The following EPHA3 variants were observed in gnomAD, a reference collection of about 807,000 sequenced individuals.
EPHA3 encodes EPH receptor A3.
EPHA3 carries 42 observed loss-of-function variants against 107.1 expected under a neutral mutation model. That is an observed-to-expected ratio of 0.39 (90% CI 0.31 to 0.51). EPHA3 has a LOEUF of 0.51. Ranked by LOEUF, EPHA3 falls within the 20% of genes least tolerant of loss-of-function variation. The pLI, the probability that EPHA3 is intolerant of heterozygous loss-of-function variation, is 0.78. For missense variants in EPHA3, 1,183 were observed against 1,211.2 expected (o/e 0.98, Z 0.35); for synonymous variants, 461 against 424.8 (o/e 1.09, Z -1.05).
chr3:89,208,179 G>T (rs1020389750), intron 2 of EPHA3, among the ~76,000 whole-genome samples: 6 of 151,730 alleles, frequency 4.0e-5, no homozygotes, highest in African/African-American at 1.5e-4. Flanking sequence ...CAAGATCACT[G>T]GCCAACATGG....
At chr3:89,270,114 C>T (rs1705632861) in intron 3 of EPHA3, among the ~76,000 whole-genome samples, 1 of 151,800 alleles carries the variant, frequency 6.6e-6, no homozygotes, top group Non-Finnish European at 1.5e-5. Context: ...ATCCAAAACT[C>T]AATTTTATTA....
chr3:89,324,357 G>C (rs1707116698), intron 3 of EPHA3, among the ~76,000 whole-genome samples: 1 of 151,592 alleles, frequency 6.6e-6, no homozygotes, highest in South Asian at 2.1e-4. Flanking sequence ...TTTTAGTAGA[G>C]ACGAGGTTTC....
At chr3:89,145,688 G>A (rs1392244565) in intron 2 of EPHA3, among the ~76,000 whole-genome samples, 2 of 151,640 alleles carry the variant, frequency 1.3e-5, no homozygotes, top group Non-Finnish European at 2.9e-5. Context: ...GTCACCTAAT[G>A]TAGAGACCTT....
chr3:89,279,760 G>A (rs1338241402), intron 3 of EPHA3, among the ~76,000 whole-genome samples: 1 of 151,952 alleles, frequency 6.6e-6, no homozygotes. Context: ...CATTAATTTG[G>A]TTACAGTCCT....
At chr3:89,296,804 G>T (rs769683184) in intron 3 of EPHA3, among the ~76,000 whole-genome samples, 4 of 152,156 alleles carry the variant, frequency 2.6e-5, no homozygotes, top group Non-Finnish European at 5.9e-5. Flanking sequence ...TGTCTACATT[G>T]AAAATTTCTT....
chr3:89,415,574 T>C (rs1709231436), intron 10 of EPHA3, among the ~76,000 whole-genome samples: 1 of 149,668 alleles, frequency 6.7e-6, no homozygotes. Context: ...CATTGGACTA[T>C]AGAAAGAATT....
chr3:89,136,159 A>C (rs975811474), intron 2 of EPHA3, among the ~76,000 whole-genome samples: 4 of 151,974 alleles, frequency 2.6e-5, no homozygotes, highest in African/African-American at 7.2e-5. Flanking sequence ...TCATAGGCTG[A>C]ATAGTCAATC....
intron 15 of EPHA3, among the ~76,000 whole-genome samples, chr3:89,457,623 A>G (rs759214085): frequency 6.6e-6 from 1 of 152,180 alleles, no homozygotes; most frequent in Non-Finnish European, 1.5e-5. Flanking sequence ...GACCGCTGCG[A>G]TAGATGATTC....
chr3:89,378,060 A>G (rs1708434496), intron 5 of EPHA3, among the ~76,000 whole-genome samples: 1 of 152,112 alleles, frequency 6.6e-6, no homozygotes, highest in Non-Finnish European at 1.5e-5. Flanking sequence ...AGAGCTGAAC[A>G]ATGAGAACAC....
intron 2 of EPHA3, among the ~76,000 whole-genome samples, chr3:89,139,399 A>G (rs1161618878): frequency 2.0e-5 from 3 of 151,844 alleles, no homozygotes; most frequent in Non-Finnish European, 4.4e-5. Context: ...TAAATATGTA[A>G]TCTGTATCCG....
rs1384724747 is a variant in EPHA3, at chr3:89,431,362, G to A, written c.2346+3G>A. ...CAGAAGCTGCTTATACAACAAGAGT[G>A]AGTAACTTAGATTTTCTCCTTTTTT... On this transcript the variant is annotated splice_donor_region_variant and intron_variant, in intron 13 of 16. Transcript: ENST00000336596. 1 of 1,608,884 alleles carries A rather than the reference G, an allele frequency of 6.2e-7. No individual in the cohort carries two copies. The highest frequency in any genetic ancestry group is 1.7e-5 in the Admixed American group (1 of 59,260).
chr3:89,187,563 T>G (rs1337457852), intron 2 of EPHA3, among the ~76,000 whole-genome samples: 40 of 152,050 alleles, frequency 2.6e-4, no homozygotes, highest in Non-Finnish European at 1.5e-5. Flanking sequence ...AAAAATATGT[T>G]AATTTAAATT....
chr3:89,246,308 T>G (rs1156650843), intron 3 of EPHA3, among the ~76,000 whole-genome samples: 2 of 152,204 alleles, frequency 1.3e-5, no homozygotes. Flanking sequence ...AGAGAAATCC[T>G]CCCAGGAAAG....
intron 1 of EPHA3, among the ~76,000 whole-genome samples, 185 bp from the exon 2 acceptor site, chr3:89,127,024 A>T (rs545732019): frequency 6.6e-6 from 1 of 151,826 alleles, no homozygotes; most frequent in African/African-American, 2.4e-5. Flanking sequence ...GAAACTTTTG[A>T]TCTCTTAACT....
Position 89,275,260 on chromosome 3 carries a change from T to C in EPHA3, c.814+64740T>C, listed in dbSNP as rs1369204249. Among the ~76,000 whole-genome samples, 3 of 152,064 alleles carry C rather than the reference T, an allele frequency of 2.0e-5. No individual in the cohort carries two copies. The East Asian group carries it at 5.8e-4, about 29-fold the overall frequency. On this transcript the variant is annotated intron_variant, in intron 3 of 16. Transcript: ENST00000336596. ...CACTCCTTTCCCTGGAGATTCATGT[T>C]CTTCAGAAATCACTGACAGCTCCTA...
intron 6 of EPHA3, among the ~76,000 whole-genome samples, chr3:89,397,038 A>T (rs1187469925): frequency 6.6e-6 from 1 of 152,158 alleles, no homozygotes; most frequent in African/African-American, 2.4e-5. Flanking sequence ...CTACATGATA[A>T]TAGATCCTTA....
chr3:89,259,739 C>T (rs1705371472), intron 3 of EPHA3, among the ~76,000 whole-genome samples: 1 of 152,126 alleles, frequency 6.6e-6, no homozygotes, highest in South Asian at 2.1e-4. Context: ...TAATTTTAGT[C>T]ACTGTAGTCC....
chr3:89,107,885 C>G (rs377251151), intron 1 of EPHA3, 49 bp downstream of exon 1: 2 of 1,556,726 alleles, frequency 1.3e-6, no homozygotes, highest in African/African-American at 2.7e-5. Context: ...GGGGCTCACG[C>G]TCTTCAAAGC....
chr3:89,367,824 T>TG (rs1472737073), intron 5 of EPHA3, among the ~76,000 whole-genome samples: 2 of 150,856 alleles, frequency 1.3e-5, no homozygotes. Context: ...TTAATTTTTC[T>TG]CTAATTCTTC....
Sources: gnomAD v4.1 joint callset for allele counts (sites outside exome capture counted in the v4.1 genomes callset) on GRCh38, gnomAD v4.1.1 for gene constraint, MANE v1.5 for transcripts, NCBI Gene and HGNC (gene_info 2026-07-23, HGNC 2026-07-21) for gene names.